Variants in PTPRM observed in about 807,000 individuals in gnomAD.
PTPRM encodes protein tyrosine phosphatase receptor type M.
In PTPRM, 47 loss-of-function variants were observed where a neutral mutation model predicts 186.7. The observed-to-expected ratio is 0.25, with a 90% confidence interval of 0.20 to 0.32. The LOEUF (loss-of-function observed/expected upper bound fraction) is 0.32. PTPRM is among the 10% of genes least tolerant of loss of function. The probability of loss-of-function intolerance (pLI) is 1.00; values close to 1 mark genes in which losing one functional copy is unlikely to be tolerated. For synonymous variants in PTPRM, 668 were observed against 674.9 expected (o/e 0.99, Z 0.16); for missense variants, 1,494 against 1,865.0 (o/e 0.80, Z 3.66).
At position 8,069,801 on chromosome 18, in the gene PTPRM, T is replaced by C. The variant is rs530296549; in HGVS notation, c.1248T>C (p.Thr416=). The change falls in exon 8 of 33, where the codon ACT becomes ACC. Residue 416 remains threonine, a synonymous_variant. Coordinates refer to ENST00000580170, the MANE Select transcript of PTPRM (RefSeq NM_001105244.2). ...NVTRCHSYNL[T]VHYCYQVGGQ... ...CTCGTTGCCACAGTTATAATCTCAC[T>C]GTCCACTACTGTTACCAAGTTGGAG... 2.5e-6 allele frequency: 4 copies of C among 1,614,156 alleles called. No homozygotes were observed. The highest frequency in any genetic ancestry group is 2.2e-5 in the East Asian group (1 of 44,874).
chr18:8,398,769 CAA>C (rs199873195), intron 32 of PTPRM, among the ~76,000 whole-genome samples: 7 of 84,038 alleles, frequency 8.3e-5, no homozygotes. Context: ...GACTCCTTCT[CAA>C]AAAAAAAAAA....
intron 8 of PTPRM, among the ~76,000 whole-genome samples, chr18:8,074,870 G>C (rs1057439696): frequency 1.3e-5 from 2 of 152,082 alleles, no homozygotes; most frequent in Non-Finnish European, 2.9e-5. Context: ...AGTGTCCTTT[G>C]ATGCCCAAAA....
At chr18:8,385,258 C>T (rs1335605228) in intron 30 of PTPRM, among the ~76,000 whole-genome samples, 2 of 151,966 alleles carry the variant, frequency 1.3e-5, no homozygotes, top group Admixed American at 1.3e-4. Context: ...ATGGATAGGC[C>T]TAGGAGAATA....
intron 22 of PTPRM, among the ~76,000 whole-genome samples, chr18:8,332,183 T>G (rs1031305682): frequency 1.8e-4 from 28 of 152,236 alleles, no homozygotes; most frequent in Admixed American, 1.7e-3. Context: ...ATTTGTCCTT[T>G]TTGTTTTTAA....
At chr18:8,145,805 A>G (rs968810880) in intron 14 of PTPRM, among the ~76,000 whole-genome samples, 1 of 152,152 alleles carries the variant, frequency 6.6e-6, no homozygotes, top group Non-Finnish European at 1.5e-5. Context: ...CTATACATGT[A>G]TCTTTATGGT....
At chr18:8,074,551 C>A (rs1465076867) in intron 8 of PTPRM, among the ~76,000 whole-genome samples, 1 of 152,170 alleles carries the variant, frequency 6.6e-6, no homozygotes, top group Admixed American at 6.5e-5. Context: ...GATTACTCTT[C>A]CTTCTTGCCA....
chr18:7,734,591 G>A (rs1373581285), intron 1 of PTPRM, among the ~76,000 whole-genome samples: 3 of 152,162 alleles, frequency 2.0e-5, no homozygotes, highest in African/African-American at 7.2e-5. Context: ...ATATTTATCA[G>A]TTATGGTTTC....
At chr18:7,763,067 G>A (rs2041851057) in intron 1 of PTPRM, among the ~76,000 whole-genome samples, 1 of 152,150 alleles carries the variant, frequency 6.6e-6, no homozygotes, top group South Asian at 2.1e-4. Flanking sequence ...AATCCTTAAG[G>A]AACCTTTTGG....
chr18:7,629,094 A>G (rs1162217769), intron 1 of PTPRM, among the ~76,000 whole-genome samples: 2 of 152,238 alleles, frequency 1.3e-5, no homozygotes, highest in African/African-American at 4.8e-5. Context: ...TGGTACACTC[A>G]TGGAAGCAGC....
intron 1 of PTPRM, among the ~76,000 whole-genome samples, chr18:7,609,407 A>G (rs2037616667): frequency 6.6e-6 from 1 of 152,070 alleles, no homozygotes; most frequent in Admixed American, 6.5e-5. Context: ...GGTGCTCACT[A>G]GGTGCTCACT....
intron 13 of PTPRM, among the ~76,000 whole-genome samples, chr18:8,142,029 G>A (rs1330477252): frequency 1.3e-5 from 2 of 152,140 alleles, no homozygotes; most frequent in African/African-American, 2.4e-5. Flanking sequence ...CTGGTGATAT[G>A]TTCCAATAGA....
chr18:8,154,976 G>A lies in PTPRM; in HGVS notation c.2300+11197G>A, dbSNP rs1006459057. ...TTTTATTTTCCGTCCCACAAATTATGTGTTCCTTTAAAGATTTGACATTTT... is the reference window on the plus strand; with the variant it reads ...TTTTATTTTCCGTCCCACAAATTATATGTTCCTTTAAAGATTTGACATTTT... On this transcript the variant is annotated intron_variant, in intron 14 of 32. Coordinates refer to ENST00000580170, the MANE Select transcript of PTPRM (RefSeq NM_001105244.2). 4.6e-5 allele frequency: 7 copies of A among 152,232 alleles called. No homozygotes were observed. The South Asian group carries it at 6.2e-4, about 14-fold the overall frequency. 9.4% of individuals were successfully genotyped at this position (152,232 alleles called of 1,614,324 possible).
chr18:8,215,265 T>A (rs1017514195), intron 14 of PTPRM, among the ~76,000 whole-genome samples: 1 of 152,068 alleles, frequency 6.6e-6, no homozygotes, highest in African/African-American at 2.4e-5. Context: ...TATAAACATA[T>A]TTTAAAATAG....
chr18:8,368,673 C>T (rs1053059225), intron 23 of PTPRM, among the ~76,000 whole-genome samples: 12 of 152,208 alleles, frequency 7.9e-5, no homozygotes, highest in Admixed American at 6.5e-5. Flanking sequence ...CATGGGGGAA[C>T]ATCAGTGCAC....
intron 7 of PTPRM, among the ~76,000 whole-genome samples, chr18:8,026,166 G>A (rs186665433): frequency 8.5e-5 from 13 of 152,292 alleles, no homozygotes; most frequent in East Asian, 3.9e-4. Flanking sequence ...ATTCAGAGGC[G>A]GGATTTCTCA....
At chr18:7,788,854 A>G (rs536427918) in intron 2 of PTPRM, among the ~76,000 whole-genome samples, 1 of 152,340 alleles carries the variant, frequency 6.6e-6, no homozygotes, top group East Asian at 1.9e-4. Context: ...AAGGTTACCA[A>G]GGGAATCTGA....
At chr18:7,870,946 C>T (rs1156350502) in intron 2 of PTPRM, among the ~76,000 whole-genome samples, 1 of 152,164 alleles carries the variant, frequency 6.6e-6, no homozygotes, top group Non-Finnish European at 1.5e-5. Flanking sequence ...CGTATCTGAC[C>T]TGTTTGTGTG....
intron 14 of PTPRM, among the ~76,000 whole-genome samples, chr18:8,144,204 G>A (rs1473244410): frequency 1.3e-5 from 2 of 152,184 alleles, no homozygotes; most frequent in East Asian, 1.9e-4. Context: ...TGTGTTATAT[G>A]TAGGCACCGT....
At chr18:8,104,613 AT>A (rs1036100358) in intron 11 of PTPRM, among the ~76,000 whole-genome samples, 3 of 151,264 alleles carry the variant, frequency 2.0e-5, no homozygotes, top group Admixed American at 1.3e-4. Context: ...CACGCAGCTG[AT>A]TTTTTTTTAT....
Sources: allele counts gnomAD v4.1 joint callset (sites outside exome capture counted in the v4.1 genomes callset), GRCh38; gene constraint gnomAD v4.1.1; transcripts MANE v1.5; gene names NCBI Gene and HGNC (gene_info 2026-07-23, HGNC 2026-07-21).